Variants in HAS1 observed in about 807,000 individuals in gnomAD.
HAS1 encodes HA synthase 1.
In HAS1, 27 loss-of-function variants were observed where a neutral mutation model predicts 35.0. The observed-to-expected ratio is 0.77, with a 90% confidence interval of 0.57 to 1.06. HAS1 has a LOEUF of 1.06. Ranked by LOEUF, HAS1 falls within the 50% of genes least tolerant of loss-of-function variation. HAS1 has a pLI of 0.00. For missense variants in HAS1, 940 were observed against 814.8 expected (o/e 1.15, Z -1.87); for synonymous variants, 409 against 371.2 (o/e 1.10, Z -1.17).
At chr19:51,720,251 C>G (rs551322249) in intron 1 of HAS1, among the ~76,000 whole-genome samples, 79 of 151,846 alleles carry the variant, frequency 5.2e-4, no homozygotes, top group Non-Finnish European at 8.7e-4. Flanking sequence ...GTAGCTGGGA[C>G]TACAAAGAGT....
In HAS1 at chr19:51,713,450, C is replaced by G. The variant is rs528538024; in HGVS notation, c.1711G>C (p.Gly571Arg). The change falls in exon 5 of 5, where the codon GGG becomes CGG. Residue 571 changes from glycine (G) to arginine (R), a missense_variant. Physicochemically the swap from Gly to Arg is moderately radical, Grantham distance 125 (BLOSUM62 -2). Transcript: ENST00000540069. This position sits in a 1 kb window ranked among gnomAD's most constrained non-coding sequence, Gnocchi z 4.5. ...GVRRLCRRRT[G>R]GYRVQV ...ACTCACACCTGGACGCGGTAGCCCC[C>G]GGTCCGCCGCCGGCAAAGCCTCCGC... 1.3e-6 allele frequency: 2 copies of G among 1,543,074 alleles called. No individual in the cohort carries two copies. Among genetic ancestry groups the G allele is most frequent in the Admixed American group, 2.0e-5 (1 of 50,202 alleles).
Position 51,713,463 on chromosome 19 carries a change from G to A in HAS1, c.1698C>T (p.Cys566=), listed in dbSNP as rs540737209. ...TLYWVGVRRL[C]RRRTGGYRVQ... ...CGCGGTAGCCCCCGGTCCGCCGCCG[G>A]CAAAGCCTCCGCACGCCCACCCAGT... The change falls in exon 5 of 5, where the codon TGC becomes TGT. Residue 566 remains cysteine (C), a synonymous_variant. Transcript: ENST00000540069. The surrounding 1 kb of genome is among the most constrained non-coding windows in gnomAD (Gnocchi z 4.5). 2 of 1,559,162 alleles carry A rather than the reference G, an allele frequency of 1.3e-6. No homozygotes were observed. The highest frequency in any genetic ancestry group is 2.0e-5 in the Admixed American group (1 of 50,942).
In HAS1 at chr19:51,714,695, T is replaced by TAAAAAAAAAAAAAAAAA. The variant is rs148154630; in HGVS notation, c.1059-594_1059-593insTTTTTTTTTTTTTTTTT. ...CTGAGCAACACAGCAAGACTCTATCTAAGAAAAAAAAAAAGGCTCTCATAA... is the reference window on the plus strand; with the variant it reads ...CTGAGCAACACAGCAAGACTCTATCTAAAAAAAAAAAAAAAAAAAGAAAAAAAAAAAGGCTCTCATAA... On this transcript the variant is annotated intron_variant, in intron 4 of 4. Transcript: ENST00000540069. Among the ~76,000 whole-genome samples, 9 of 95,804 alleles carry TAAAAAAAAAAAAAAAAA rather than the reference T, an allele frequency of 9.4e-5. 1 individual carries two copies. The highest frequency in any genetic ancestry group is 2.5e-4 in the African/African-American group (6 of 24,166). The allele number at this position is 95,804 out of a possible 152,430, so 62.9% of individuals were successfully genotyped here.
At chr19:51,717,359 G>C (rs1165853927) in intron 2 of HAS1, among the ~76,000 whole-genome samples, 166 bp from the exon 3 acceptor site, 1 of 152,156 alleles carries the variant, frequency 6.6e-6, no homozygotes, top group East Asian at 1.9e-4. Flanking sequence ...AGTTTAACAT[G>C]TACTCCAAGA....
rs1194889348 is a variant in HAS1, at chr19:51,719,659, C to T, written c.246G>A (p.Ala82=). ...CTGCATCCAGCGGCCCCCGCGCCGCCGCCGCCACCCGCCGGTGCTCCAGGT... is the reference window on the plus strand; with the variant it reads ...CTGCATCCAGCGGCCCCCGCGCCGCTGCCGCCACCCGCCGGTGCTCCAGGT... ...FAYLEHRRVA[A]AARGPLDAAT... The change falls in exon 2 of 5, where the codon GCG becomes GCA. Residue 82 remains alanine, a synonymous_variant. Transcript: ENST00000540069. 1.3e-6 allele frequency: 2 copies of T among 1,540,580 alleles called. No individual in the cohort carries two copies. Among genetic ancestry groups the T allele is most frequent in the Non-Finnish European group, 1.7e-6 (2 of 1,146,726 alleles).
intron 1 of HAS1, 103 bp downstream of exon 1, chr19:51,723,822 A>C (rs2083646967): frequency 1.1e-5 from 12 of 1,115,466 alleles, no homozygotes; most frequent in Non-Finnish European, 1.5e-5. Flanking sequence ...GAAATCATGC[A>C]CACACAGTTC....
rs909313293 is a variant in HAS1, at chr19:51,719,227, T to C, written c.678A>G (p.Gly226=). Residue 226 remains glycine, a synonymous_variant, in exon 2 of 5, where the codon GGA becomes GGG. Coordinates refer to ENST00000540069, the MANE Select transcript of HAS1 (RefSeq NM_001297436.2). ...EVMYTAFKAL[G]DSVDYVQVCD... ...TCACCTGCACGTAGTCCACCGAATC[T>C]CCGAGCGCCTTGAAGGCTGTGTACA... 1.3e-6 allele frequency: 2 copies of C among 1,574,008 alleles called. No individual in the cohort carries two copies.
Position 51,713,590 on chromosome 19 carries a change from G to T in HAS1, c.1571C>A (p.Ala524Asp). The change falls in exon 5 of 5, where the codon GCC becomes GAC. Residue 524 changes from alanine to aspartate, a missense_variant. Transcript: ENST00000540069. The surrounding 1 kb of genome is among the most constrained non-coding windows in gnomAD (Gnocchi z 4.5). ...GGAAGGGCCGCTCCAGTCGGCCCTG[G>T]CCTCGTGTGCTACGCTGCGGACCAG... ...GGLVRSVAHE[A>D]RADWSGPSRA... 1.9e-6 allele frequency: 3 copies of T among 1,558,912 alleles called. No individual in the cohort carries two copies. The highest frequency in any genetic ancestry group is 1.7e-6 in the Non-Finnish European group (2 of 1,151,616).
In HAS1 at chr19:51,713,887, C is replaced by T. The variant is rs1253250103; in HGVS notation, c.1274G>A (p.Gly425Asp). ...CACCCACAGCAGCGCCCAAGGGCGG[C>T]CCGCGTAGAACAGACGCAGCACAGT... Reference protein sequence around the residue: ...AATVLRLFYAGRPWALLWVLL... With the variant: ...AATVLRLFYADRPWALLWVLL... Residue 425 changes from glycine (G) to aspartate (D), a missense_variant, in exon 5 of 5, where the codon GGC (glycine) becomes GAC (aspartate). Gly to Asp is a moderately conservative substitution (Grantham distance 94). Transcript: ENST00000540069. This position sits in a 1 kb window ranked among gnomAD's most constrained non-coding sequence, Gnocchi z 4.5. The T allele has an allele frequency of 1.2e-6, 2 of 1,606,248 alleles. No individual in the cohort carries two copies. Among genetic ancestry groups the T allele is most frequent in the Non-Finnish European group, 8.5e-7 (1 of 1,179,786 alleles).
Position 51,713,673 on chromosome 19 carries a change from G to C in HAS1, c.1488C>G (p.Ala496=), listed in dbSNP as rs774121114. 6.3e-7 allele frequency: 1 copy of C among 1,585,108 alleles called. No individual in the cohort carries two copies. The highest frequency in any genetic ancestry group is 8.6e-7 in the Non-Finnish European group (1 of 1,167,096). ...GWGTSGRRKL[A]ANYVPLLPLA... ...GGGGCAGCAGAGGGACGTAGTTAGC[G>C]GCCAGCTTCCGCCGGCCCGAGGTGC... is the stretch of plus-strand genomic sequence containing the variant. Residue 496 remains alanine (A), a synonymous_variant, in exon 5 of 5, where the codon GCC becomes GCG. Coordinates refer to ENST00000540069, the MANE Select transcript of HAS1 (RefSeq NM_001297436.2). The surrounding 1 kb of genome is among the most constrained non-coding windows in gnomAD (Gnocchi z 4.5).
At chr19:51,720,708 T>C (rs4802854) in intron 1 of HAS1, among the ~76,000 whole-genome samples, 114,797 of 151,772 alleles carry the variant, frequency 0.76, 43,704 homozygotes, top group East Asian at 0.99. Context: ...TCTCCTAGGC[T>C]CCAGTCTCCC....
Position 51,719,913 on chromosome 19 carries a change from G to A in HAS1, c.10-18C>T. 6.6e-7 allele frequency: 1 copy of A among 1,503,986 alleles called. No individual in the cohort carries two copies. Among genetic ancestry groups the A allele is most frequent in the Non-Finnish European group, 8.9e-7 (1 of 1,122,526 alleles). 93.2% of individuals were successfully genotyped at this position (1,503,986 alleles called of 1,614,324 possible). On this transcript the variant is annotated intron_variant, in intron 1 of 4. Coordinates refer to ENST00000540069, the MANE Select transcript of HAS1 (RefSeq NM_001297436.2). ...GGCGCGTCCTGCTGGGAGCGAGAGGGGAAAGGAAGGGGCATGAGTCCCGGG... is the reference window on the plus strand; with the variant it reads ...GGCGCGTCCTGCTGGGAGCGAGAGGAGAAAGGAAGGGGCATGAGTCCCGGG...
chr19:51,713,483 C>A lies in HAS1; in HGVS notation c.1678G>T (p.Val560Leu). ...YWVAMLTLYW[V>L]GVRRLCRRRT... ...CGCCGGCAAAGCCTCCGCACGCCCA[C>A]CCAGTACAGCGTCAACATGGCCACC... is the stretch of plus-strand genomic sequence containing the variant. The change falls in exon 5 of 5, where the codon GTG becomes TTG. Residue 560 changes from valine (V) to leucine (L), a missense_variant. Val to Leu is a conservative substitution (Grantham distance 32, BLOSUM62 1). Coordinates refer to ENST00000540069, the MANE Select transcript of HAS1 (RefSeq NM_001297436.2). This position sits in a 1 kb window ranked among gnomAD's most constrained non-coding sequence, Gnocchi z 4.5. 1 of 1,601,104 alleles carries A rather than the reference C, an allele frequency of 6.2e-7. No homozygotes were observed. The highest frequency in any genetic ancestry group is 8.5e-7 in the Non-Finnish European group (1 of 1,174,042).
intron 4 of HAS1, among the ~76,000 whole-genome samples, chr19:51,714,363 A>G (rs1338144797): frequency 1.1e-5 from 1 of 89,382 alleles, no homozygotes; most frequent in Non-Finnish European, 2.8e-5. Flanking sequence ...GCAAGACCCC[A>G]TCTCTACTAA....
At chr19:51,715,729 G>T (rs376901904) in intron 4 of HAS1, among the ~76,000 whole-genome samples, 1 of 152,184 alleles carries the variant, frequency 6.6e-6, no homozygotes, top group Admixed American at 6.5e-5. Context: ...ACTTGGTCTA[G>T]ATCATCCTCC....
rs2083594044 is a variant in HAS1, at chr19:51,717,265, G to C, written c.700-72C>G. 3 of 1,030,584 alleles carry C rather than the reference G, an allele frequency of 2.9e-6. No individual in the cohort carries two copies. The East Asian group carries it at 7.3e-5, about 25-fold the overall frequency. 63.8% of individuals were successfully genotyped at this position (1,030,584 alleles called of 1,614,324 possible). Reference sequence around the variant, plus strand: ...CTGATGCTTGAGAGGAAGGCATCAAGGGGTGCAATGCAGCTGGGGCACTCT... The same window carrying C: ...CTGATGCTTGAGAGGAAGGCATCAACGGGTGCAATGCAGCTGGGGCACTCT... On this transcript the variant is annotated intron_variant, in intron 2 of 4. Coordinates refer to ENST00000540069, the MANE Select transcript of HAS1 (RefSeq NM_001297436.2).
chr19:51,713,734 A>C lies in HAS1; in HGVS notation c.1427T>G (p.Phe476Cys). 2 of 1,607,556 alleles carry C rather than the reference A, an allele frequency of 1.2e-6. No individual in the cohort carries two copies. Among genetic ancestry groups the C allele is most frequent in the Non-Finnish European group, 1.7e-6 (2 of 1,177,240 alleles). ...LYMCGLLPAK[F>C]LALVTMNQSG... ...CTGGTTCATGGTGACTAGCGCCAGG[A>C]ACTTGGCAGGCAGGAGGCCACACAT... The change falls in exon 5 of 5, where the codon TTC becomes TGC. Residue 476 changes from phenylalanine (F) to cysteine (C), a missense_variant. Coordinates refer to ENST00000540069, the MANE Select transcript of HAS1 (RefSeq NM_001297436.2). This position sits in a 1 kb window ranked among gnomAD's most constrained non-coding sequence, Gnocchi z 4.5.
rs1482841701 is a variant in HAS1 at position 51,713,344 on chromosome 19, C to T, written c.*83G>A. ...GGGAAACTGAGGCCCAGAGAACCAC[C>T]CAGCAAGTTCGTGGCTCGGGGCCCA... On this transcript the variant is annotated 3_prime_UTR_variant, in exon 5 of 5. Coordinates refer to ENST00000540069, the MANE Select transcript of HAS1 (RefSeq NM_001297436.2). The surrounding 1 kb of genome is among the most constrained non-coding windows in gnomAD (Gnocchi z 4.5). 3.8e-6 allele frequency: 5 copies of T among 1,322,426 alleles called. No individual in the cohort carries two copies. The South Asian group carries it at 6.9e-5, about 18-fold the overall frequency. 81.9% of individuals were successfully genotyped at this position (1,322,426 alleles called of 1,614,324 possible). A position where few individuals can be genotyped will look rare whatever the true frequency, so the allele number is the denominator to read the frequency against.
intron 4 of HAS1, 103 bp from the exon 5 acceptor site, chr19:51,714,205 T>C (rs1599790477): frequency 6.6e-7 from 1 of 1,511,396 alleles, no homozygotes; most frequent in Non-Finnish European, 8.9e-7. Context: ...TGGGGGCGAG[T>C]TTCTTAACCT....
Sources: gnomAD v4.1 joint callset for allele counts (sites outside exome capture counted in the v4.1 genomes callset) on GRCh38, gnomAD v4.1.1 for gene constraint, Gnocchi (gnomAD v3.1) non-coding constraint, MANE v1.5 for transcripts, NCBI Gene and HGNC (gene_info 2026-07-23, HGNC 2026-07-21) for gene names.